PIEZO2: variants seen among roughly 807,000 people sequenced by gnomAD.
The protein encoded by PIEZO2 is piezo type mechanosensitive ion channel component 2, also known as piezo-type mechanosensitive ion channel component 2.
Under a neutral mutation model 337.3 loss-of-function variants are expected in PIEZO2, and 172 were observed. The ratio of observed to expected loss-of-function variants is 0.51; its 90% CI spans 0.45 to 0.58. The LOEUF (loss-of-function observed/expected upper bound fraction) is 0.58, where lower values mean the gene tolerates loss of function less well. PIEZO2 is among the 20% of genes least tolerant of loss of function. PIEZO2 has a pLI of 0.00. For missense variants in PIEZO2, 3,028 were observed against 3,391.3 expected, an observed-to-expected ratio of 0.89 and a Z score of 2.66; for synonymous variants, 1,251 against 1,228.5, an observed-to-expected ratio of 1.02 and a Z score of -0.38.
chr18:10,799,256 T>C (rs1315378047), intron 11 of PIEZO2, among the ~76,000 whole-genome samples: 4 of 152,248 alleles, frequency 2.6e-5, no homozygotes, highest in Non-Finnish European at 4.4e-5. Flanking sequence ...TGTAATTACA[T>C]ACAAATAGAG....
intron 2 of PIEZO2, among the ~76,000 whole-genome samples, chr18:11,012,960 C>T (rs1162357214): frequency 1.3e-5 from 2 of 152,138 alleles, no homozygotes; most frequent in African/African-American, 2.4e-5. Context: ...GGGAGGATTG[C>T]TTGAGCCAGG....
At chr18:11,138,986 G>C (rs986290103) in intron 1 of PIEZO2, among the ~76,000 whole-genome samples, 104 of 152,302 alleles carry the variant, frequency 6.8e-4, no homozygotes, top group African/African-American at 2.2e-3. Context: ...TCTGCCCATT[G>C]AAACTGTGCT....
At chr18:10,790,544 C>A (rs2039373023) in intron 14 of PIEZO2, among the ~76,000 whole-genome samples, 1 of 152,080 alleles carries the variant, frequency 6.6e-6, no homozygotes, top group Non-Finnish European at 1.5e-5. Context: ...TTGTGGTATA[C>A]TATTGTTAAG....
chr18:10,836,729 T>A (rs2041025448), intron 7 of PIEZO2, among the ~76,000 whole-genome samples: 1 of 152,164 alleles, frequency 6.6e-6, no homozygotes, highest in Admixed American at 6.5e-5. Flanking sequence ...AATACCATAT[T>A]GATGGCATTG....
intron 2 of PIEZO2, among the ~76,000 whole-genome samples, chr18:11,044,672 C>A (rs1038552011): frequency 6.6e-6 from 1 of 152,204 alleles, no homozygotes; most frequent in Admixed American, 6.5e-5. Context: ...ACTGTGAAAT[C>A]TATACAGTTG....
At chr18:10,791,676 A>G (rs980341900) in intron 13 of PIEZO2, 3 of 159,402 alleles carry the variant, frequency 1.9e-5, no homozygotes, top group Non-Finnish European at 4.1e-5. Context: ...TGACGTCATT[A>G]CAATTGTAAA....
At chr18:10,822,319 G>A (rs1380936855) in intron 7 of PIEZO2, among the ~76,000 whole-genome samples, 1 of 151,722 alleles carries the variant, frequency 6.6e-6, no homozygotes, top group African/African-American at 2.4e-5. Flanking sequence ...ATTTTCTACA[G>A]CTTTATATTG....
intron 2 of PIEZO2, among the ~76,000 whole-genome samples, chr18:11,026,580 T>C (rs1434189226): frequency 6.6e-6 from 1 of 152,338 alleles, no homozygotes. Flanking sequence ...CTTGCTGTTA[T>C]TGGCCTATGC....
chr18:10,763,190 G>C (rs867806425), intron 21 of PIEZO2, 92 bp from the exon 22 acceptor site: 1 of 1,361,754 alleles, frequency 7.3e-7, no homozygotes, highest in African/African-American at 1.5e-5. Context: ...GATTTACTCA[G>C]TTCGGCAAAA....
In PIEZO2 at chr18:10,750,735, TAA is replaced by T. The variant is rs1009884913; in HGVS notation, c.4168-550_4168-549del. Among the ~76,000 whole-genome samples, 2 of 152,234 alleles carry T rather than the reference TAA, an allele frequency of 1.3e-5. No individual in the cohort carries two copies. The highest frequency in any genetic ancestry group is 4.8e-5 in the African/African-American group (2 of 41,462). On this transcript the variant is annotated intron_variant, in intron 28 of 55. Coordinates refer to ENST00000674853, the MANE Select transcript of PIEZO2 (RefSeq NM_001378183.1). The surrounding 1 kb of genome is among the most constrained non-coding windows in gnomAD (Gnocchi z 4.1). ...ATAACAATGAATTTTTTGTTATAGT[TAA>T]GTTTAAATCCTGAGTTGGAAAATGT...
chr18:11,056,168 G>A (rs2037726710), intron 2 of PIEZO2, among the ~76,000 whole-genome samples: 1 of 152,204 alleles, frequency 6.6e-6, no homozygotes, highest in South Asian at 2.1e-4. Context: ...AGACTTTCCA[G>A]CTTTGAGGCC....
At position 10,862,266 on chromosome 18, in the gene PIEZO2, AG is replaced by A. The variant is rs1429557933; in HGVS notation, c.493-5056del. 6.6e-6 allele frequency among the ~76,000 whole-genome samples: 1 copy of A among 152,176 alleles called. No homozygotes were observed. Among genetic ancestry groups the A allele is most frequent in the Non-Finnish European group, 1.5e-5 (1 of 68,032 alleles). On this transcript the variant is annotated intron_variant, in intron 5 of 55. Coordinates refer to ENST00000674853, the MANE Select transcript of PIEZO2 (RefSeq NM_001378183.1). The surrounding 1 kb of genome is among the most constrained non-coding windows in gnomAD (Gnocchi z 4.4). The stretch of plus-strand genomic sequence containing the variant: ...TAGAATACTGGAAAACATAGATAAA[AG>A]TTGCTGATTTCAACATTTGATAACA...
Position 10,892,640 on chromosome 18 carries a change from A to T in PIEZO2, c.329+18546T>A, listed in dbSNP as rs139209569. Among the ~76,000 whole-genome samples, 741 of 152,222 alleles carry T rather than the reference A, an allele frequency of 4.9e-3. 10 individuals are homozygous for T. Among genetic ancestry groups the T allele is most frequent in the African/African-American group, 0.017 (714 of 41,538 alleles). On this transcript the variant is annotated intron_variant, in intron 4 of 55. Transcript: ENST00000674853. ...TTTTAGGAATGTAAATTGCACCTCA[A>T]TGAACCAGAGAGAGGGAGAGAGAAA... is the stretch of plus-strand genomic sequence containing the variant.
At chr18:10,835,510 C>A (rs1456021372) in intron 7 of PIEZO2, among the ~76,000 whole-genome samples, 1 of 152,110 alleles carries the variant, frequency 6.6e-6, no homozygotes. Context: ...ATGCCTGGAA[C>A]CAAACTTAGC....
At chr18:11,100,228 G>A (rs1219535761) in intron 1 of PIEZO2, among the ~76,000 whole-genome samples, 1 of 152,218 alleles carries the variant, frequency 6.6e-6, no homozygotes, top group African/African-American at 2.4e-5. Flanking sequence ...CAAAGAATGA[G>A]TGTTTTGATT....
chr18:10,937,231 C>T (rs2032452351), intron 3 of PIEZO2, among the ~76,000 whole-genome samples: 1 of 152,174 alleles, frequency 6.6e-6, no homozygotes, highest in Non-Finnish European at 1.5e-5. Context: ...GAGTGACCTC[C>T]CTTGGGTTAG....
chr18:10,749,726 G>A (rs1361315548), intron 29 of PIEZO2, among the ~76,000 whole-genome samples: 1 of 152,204 alleles, frequency 6.6e-6, no homozygotes, highest in Non-Finnish European at 1.5e-5. Flanking sequence ...TGAAGTCAGA[G>A]TTACTTGATG....
chr18:10,918,475 T>C (rs562023147), intron 3 of PIEZO2, among the ~76,000 whole-genome samples: 310 of 152,218 alleles, frequency 2.0e-3, no homozygotes, highest in African/African-American at 7.3e-3. Context: ...TCAGTTCTTT[T>C]CATAATGTCT....
chr18:11,064,049 C>T (rs2038064471), intron 2 of PIEZO2, among the ~76,000 whole-genome samples: 1 of 152,070 alleles, frequency 6.6e-6, no homozygotes, highest in Non-Finnish European at 1.5e-5. Flanking sequence ...AAAGAAAGTC[C>T]TCGCATAAAT....
Sources: gnomAD v4.1 joint callset for allele counts (sites outside exome capture counted in the v4.1 genomes callset) on GRCh38, gnomAD v4.1.1 for gene constraint, Gnocchi (gnomAD v3.1) non-coding constraint, MANE v1.5 for transcripts, NCBI Gene and HGNC (gene_info 2026-07-23, HGNC 2026-07-21) for gene names.